Variants in USP12 observed in about 807,000 individuals in gnomAD.
USP12 encodes the protein ubiquitin specific peptidase 12.
In USP12, 19 loss-of-function variants were observed where a neutral mutation model predicts 45.5. The observed-to-expected ratio is 0.42, with a 90% CI of 0.29 to 0.61. The LOEUF is 0.61. Among genes scored for constraint, USP12 ranks in the 20% least tolerant of loss-of-function variants. The pLI is 0.22. For synonymous variants in USP12, 149 were observed against 148.8 expected (o/e 1.00, Z -0.01); for missense variants, 242 against 447.7 (o/e 0.54, Z 4.15).
At chr13:27,099,973 T>G (rs547254766) in intron 3 of USP12, among the ~76,000 whole-genome samples, 2 of 152,182 alleles carry the variant, frequency 1.3e-5, no homozygotes, top group African/African-American at 2.4e-5. Flanking sequence ...CCACAAGAGA[T>G]AGTAGATCTA....
intron 1 of USP12, among the ~76,000 whole-genome samples, chr13:27,133,102 C>G (rs1876586038): frequency 6.6e-6 from 1 of 152,206 alleles, no homozygotes; most frequent in Non-Finnish European, 1.5e-5. Flanking sequence ...TTTCTACTAG[C>G]TGTTGTCTCT....
intron 6 of USP12, among the ~76,000 whole-genome samples, chr13:27,075,773 T>C (rs1873450936): frequency 6.6e-6 from 1 of 152,086 alleles, no homozygotes. Flanking sequence ...CTCACGCCTG[T>C]AATCCCAACA....
intron 2 of USP12, among the ~76,000 whole-genome samples, chr13:27,112,457 T>C (rs1362607712): frequency 7.9e-6 from 1 of 126,066 alleles, no homozygotes; most frequent in East Asian, 2.0e-4. Context: ...CTCCCAGCAT[T>C]TTTTTTTTTT....
chr13:27,150,978 T>C (rs751453912), intron 1 of USP12, among the ~76,000 whole-genome samples: 2 of 152,016 alleles, frequency 1.3e-5, no homozygotes, highest in Non-Finnish European at 2.9e-5. Context: ...GGCAAAGGAT[T>C]GACACAGGAT....
intron 1 of USP12, among the ~76,000 whole-genome samples, chr13:27,163,138 G>C (rs962218004): frequency 6.6e-6 from 1 of 152,044 alleles, no homozygotes; most frequent in Non-Finnish European, 1.5e-5. Flanking sequence ...CAATTTACCA[G>C]CATATTTTTA....
intron 4 of USP12, among the ~76,000 whole-genome samples, chr13:27,090,670 C>A (rs978013125): frequency 6.6e-6 from 1 of 152,090 alleles, no homozygotes; most frequent in Non-Finnish European, 1.5e-5. Context: ...ATAAAGTTAT[C>A]ACTTGCTCAT....
intron 1 of USP12, among the ~76,000 whole-genome samples, chr13:27,136,833 A>G (rs1210727164): frequency 1.3e-5 from 2 of 152,242 alleles, no homozygotes; most frequent in Admixed American, 6.5e-5. Context: ...TAATAAAATG[A>G]TATTTGGGAT....
At chr13:27,124,985 T>C (rs1876159759) in intron 1 of USP12, among the ~76,000 whole-genome samples, 1 of 152,218 alleles carries the variant, frequency 6.6e-6, no homozygotes, top group Non-Finnish European at 1.5e-5. Context: ...AGTATCTGAC[T>C]ACCTGTGTTC....
At chr13:27,106,394 G>C (rs1481153825) in intron 2 of USP12, among the ~76,000 whole-genome samples, 1 of 150,178 alleles carries the variant, frequency 6.7e-6, no homozygotes, top group Non-Finnish European at 1.5e-5. Context: ...AGTAATTGGG[G>C]CGAGACGGGG....
intron 3 of USP12, among the ~76,000 whole-genome samples, chr13:27,100,816 G>T (rs371069045): frequency 1.3e-5 from 2 of 152,212 alleles, no homozygotes; most frequent in East Asian, 1.9e-4. Context: ...GAATAATCAG[G>T]GAGAACTAGT....
rs149714974 is a variant in USP12 at position 27,148,105 on chromosome 13, G to A, written c.48+23487C>T. 5.3e-3 allele frequency among the ~76,000 whole-genome samples: 798 copies of A among 150,622 alleles called. 8 individuals are homozygous for A. Among genetic ancestry groups the A allele is most frequent in the African/African-American group, 0.019 (764 of 41,036 alleles). ...GACCGCACTACTGCACTCCAGACTGGGCAACAGAGCGAGACCTATCTCAAA... is the reference window on the plus strand; with the variant it reads ...GACCGCACTACTGCACTCCAGACTGAGCAACAGAGCGAGACCTATCTCAAA... On this transcript the variant is annotated intron_variant, in intron 1 of 8. Transcript: ENST00000282344.
chr13:27,125,582 T>C (rs947703532), intron 1 of USP12, among the ~76,000 whole-genome samples: 2 of 152,322 alleles, frequency 1.3e-5, no homozygotes, highest in Non-Finnish European at 1.5e-5. Context: ...CTGAGGTACC[T>C]GGTTCATCTC....
At chr13:27,146,268 G>C (rs2137826158) in intron 1 of USP12, among the ~76,000 whole-genome samples, 1 of 152,186 alleles carries the variant, frequency 6.6e-6, no homozygotes, top group East Asian at 1.9e-4. Flanking sequence ...CAGGTGTGGT[G>C]GTGGGCATCT....
chr13:27,144,057 A>G (rs1262128540), intron 1 of USP12, among the ~76,000 whole-genome samples: 1 of 152,162 alleles, frequency 6.6e-6, no homozygotes, highest in East Asian at 1.9e-4. Context: ...TATGAAACTT[A>G]GCCAGGTGTG....
chr13:27,083,531 A>T (rs1249421259), intron 6 of USP12, among the ~76,000 whole-genome samples: 1 of 151,922 alleles, frequency 6.6e-6, no homozygotes, highest in Admixed American at 6.6e-5. Context: ...CAGGGCGATC[A>T]CTCTCCTCTC....
At chr13:27,112,453 GC>G (rs1008627218) in intron 2 of USP12, among the ~76,000 whole-genome samples, 2 of 148,486 alleles carry the variant, frequency 1.3e-5, no homozygotes, top group African/African-American at 2.6e-5. Flanking sequence ...AATGCTCCCA[GC>G]ATTTTTTTTT....
At chr13:27,143,022 G>A (rs577331693) in intron 1 of USP12, among the ~76,000 whole-genome samples, 18 of 152,110 alleles carry the variant, frequency 1.2e-4, no homozygotes, top group Admixed American at 2.0e-4. Context: ...GAACTGGGGA[G>A]GCGGAGGTTG....
intron 2 of USP12, among the ~76,000 whole-genome samples, chr13:27,115,244 A>G (rs757367653): frequency 1.3e-5 from 2 of 152,172 alleles, no homozygotes; most frequent in Non-Finnish European, 2.9e-5. Context: ...TCTAACTGAA[A>G]TGCTGTTTTT....
intron 1 of USP12, among the ~76,000 whole-genome samples, chr13:27,155,728 T>C (rs1392845047): frequency 6.6e-6 from 1 of 152,222 alleles, no homozygotes. Flanking sequence ...AGTTAAATCT[T>C]ATTAATTATA....
Sources: allele counts gnomAD v4.1 joint callset (sites outside exome capture counted in the v4.1 genomes callset), GRCh38; gene constraint gnomAD v4.1.1; transcripts MANE v1.5; gene names NCBI Gene and HGNC (gene_info 2026-07-23, HGNC 2026-07-21).